RFPL1: variants seen among roughly 807,000 people sequenced by gnomAD.
RFPL1 encodes the protein ret finger protein like 1.
In RFPL1, 6 loss-of-function variants were observed where a neutral mutation model predicts 9.6. The ratio of observed to expected loss-of-function variants is 0.62; its 90% CI spans 0.34 to 1.23. The LOEUF is 1.23. Among genes scored for constraint, RFPL1 ranks in the 50% most tolerant of loss-of-function variants. The pLI, the probability that RFPL1 is intolerant of heterozygous loss-of-function variation, is 0.03. For synonymous variants in RFPL1, 145 were observed against 149.4 expected (o/e 0.97, Z 0.22); for missense variants, 352 against 398.4 (o/e 0.88, Z 0.99).
the RFPL1 span, among the ~76,000 whole-genome samples, chr22:29,430,380 A>G: frequency 6.6e-6 from 1 of 152,158 alleles, no homozygotes; most frequent in African/African-American, 2.4e-5. Context: ...GTGCATTTAA[A>G]CAAATGTATC....
the RFPL1 span, among the ~76,000 whole-genome samples, chr22:29,387,951 G>C: frequency 1.3e-5 from 2 of 152,228 alleles, no homozygotes; most frequent in Non-Finnish European, 2.9e-5. Flanking sequence ...TTGTCTTAGA[G>C]GCTCCAACAA....
chr22:29,428,485 A>T, the RFPL1 span, among the ~76,000 whole-genome samples: 5 of 152,252 alleles, frequency 3.3e-5, no homozygotes, highest in Non-Finnish European at 5.9e-5. Flanking sequence ...AAAATAAGTC[A>T]GATTGAAGCT....
chr22:29,424,656 T>TAA, the RFPL1 span, among the ~76,000 whole-genome samples: 8 of 121,796 alleles, frequency 6.6e-5, no homozygotes, highest in East Asian at 1.7e-3. Context: ...AAGGACAAAG[T>TAA]AAAAAAAAAA....
chr22:29,389,685 CAAAA>C, the RFPL1 span, among the ~76,000 whole-genome samples: 4 of 75,576 alleles, frequency 5.3e-5, no homozygotes, highest in Non-Finnish European at 2.8e-5. Flanking sequence ...GACTCCGTCT[CAAAA>C]AAAAAAAAAA....
At chr22:29,411,684 G>T in the RFPL1 span, among the ~76,000 whole-genome samples, 1 of 152,180 alleles carries the variant, frequency 6.6e-6, no homozygotes, top group Non-Finnish European at 1.5e-5. Context: ...GCCCACATTT[G>T]CACCAAAGAC....
At chr22:29,418,491 G>A in the RFPL1 span, among the ~76,000 whole-genome samples, 10 of 146,194 alleles carry the variant, frequency 6.8e-5, no homozygotes, top group East Asian at 4.0e-4. Flanking sequence ...ATTCTTCTTC[G>A]TCTTCTTTTT....
At chr22:29,435,135 T>C (rs1383804881), upstream of RFPL1, 6 of 152,232 alleles carry the variant, frequency 3.9e-5, no homozygotes, top group East Asian at 1.2e-3. Flanking sequence ...TGAATGTCAA[T>C]TAAGTAGATT....
chr22:29,438,332 G>A, upstream of RFPL1: 1 of 167,488 alleles, frequency 6.0e-6, no homozygotes, highest in Admixed American at 5.8e-5. Flanking sequence ...ACAGGCGTGT[G>A]CCACCACGCC....
rs2062822184 is a variant in RFPL1 at position 29,438,841 on chromosome 22, A to G, written c.50A>G (p.Asn17Ser). 5 of 1,613,654 alleles carry G rather than the reference A, an allele frequency of 3.1e-6. No homozygotes were observed. The East Asian group carries it at 8.9e-5, about 29-fold the overall frequency. Residue 17 changes from asparagine (N) to serine (S), a missense_variant, in exon 1 of 2, where the codon AAT (asparagine) becomes AGT (serine). By Grantham distance (46) the Asn-to-Ser change is conservative (BLOSUM62 1). Transcript: ENST00000354373. ...ACTAACAGGCTTTCACCTCACGGAA[A>G]TTTTCTTCCCTTGTGCACTTTTCCC...
At chr22:29,430,064 G>T in the RFPL1 span, among the ~76,000 whole-genome samples, 1 of 135,500 alleles carries the variant, frequency 7.4e-6, no homozygotes, top group Non-Finnish European at 1.8e-5. Context: ...AATATGATGT[G>T]ACTCGTCTAT....
upstream of RFPL1, chr22:29,434,905 T>C (rs2062801554): frequency 6.6e-6 from 1 of 152,262 alleles, no homozygotes; most frequent in Non-Finnish European, 1.5e-5. Flanking sequence ...GCCCATTTTA[T>C]GCTCTTGCAG....
the RFPL1 span, among the ~76,000 whole-genome samples, chr22:29,429,672 T>C: frequency 2.0e-5 from 3 of 152,294 alleles, no homozygotes; most frequent in African/African-American, 7.2e-5. Flanking sequence ...GGCTCTCAAA[T>C]TGGAAAAGAA....
the RFPL1 span, among the ~76,000 whole-genome samples, chr22:29,422,872 C>G: frequency 2.0e-5 from 3 of 152,062 alleles, no homozygotes; most frequent in African/African-American, 7.2e-5. Flanking sequence ...TGTCTTCTTT[C>G]CCCTGGAAAC....
chr22:29,412,162 G>A, the RFPL1 span, among the ~76,000 whole-genome samples: 5 of 152,336 alleles, frequency 3.3e-5, no homozygotes, highest in African/African-American at 1.2e-4. Context: ...CTGACACAGA[G>A]CAGACAGGAC....
At chr22:29,437,192 A>G (rs995885202), upstream of RFPL1, 1 of 158,666 alleles carries the variant, frequency 6.3e-6, no homozygotes, top group African/African-American at 2.4e-5. Flanking sequence ...AAATTTTTTC[A>G]AAACCAGAAA....
At chr22:29,392,378 CTTTTTTTT>C in the RFPL1 span, among the ~76,000 whole-genome samples, 7 of 46,270 alleles carry the variant, frequency 1.5e-4, no homozygotes, top group Non-Finnish European at 2.8e-4. Flanking sequence ...CCACACCTGG[CTTTTTTTT>C]TTTTTTTTTT....
chr22:29,393,467 G>A, the RFPL1 span, among the ~76,000 whole-genome samples: 1 of 152,168 alleles, frequency 6.6e-6, no homozygotes, highest in African/African-American at 2.4e-5. Context: ...GTGGGGAAGG[G>A]AGCATCTAAG....
chr22:29,431,684 A>G, the RFPL1 span, among the ~76,000 whole-genome samples: 1 of 146,452 alleles, frequency 6.8e-6, no homozygotes, highest in African/African-American at 2.7e-5. Flanking sequence ...TCAATCTTTA[A>G]AAGTTCTTTT....
chr22:29,424,837 C>G, the RFPL1 span, among the ~76,000 whole-genome samples: 6 of 106,636 alleles, frequency 5.6e-5, no homozygotes, highest in Middle Eastern at 4.8e-3. Context: ...CCTCCCACCC[C>G]CCCCCCCGCA....
Sources: gnomAD v4.1 joint callset for allele counts (sites outside exome capture counted in the v4.1 genomes callset) on GRCh38, gnomAD v4.1.1 for gene constraint, MANE v1.5 for transcripts, NCBI Gene and HGNC (gene_info 2026-07-23, HGNC 2026-07-21) for gene names.